ADGRB3: variants seen among roughly 807,000 people sequenced by gnomAD.
The protein encoded by ADGRB3 is adhesion G protein-coupled receptor B3.
ADGRB3 carries 37 observed loss-of-function variants against 193.4 expected under a neutral mutation model. The observed-to-expected ratio is 0.19, with a 90% CI of 0.15 to 0.25. ADGRB3 has a LOEUF of 0.25. Ranked by LOEUF, ADGRB3 falls within the 10% of genes least tolerant of loss-of-function variation. The probability of loss-of-function intolerance (pLI) is 1.00; values close to 1 mark genes in which losing one functional copy is unlikely to be tolerated. For missense variants in ADGRB3, 1,637 were observed against 1,852.9 expected (o/e 0.88, Z 2.14); for synonymous variants, 690 against 644.2 (o/e 1.07, Z -1.08).
intron 3 of ADGRB3, among the ~76,000 whole-genome samples, chr6:68,677,255 TCC>T (rs1769114914): frequency 6.6e-6 from 1 of 152,194 alleles, no homozygotes; most frequent in Non-Finnish European, 1.5e-5. Context: ...GGTTTTCTTT[TCC>T]TAACTAGTAA....
At chr6:68,886,372 A>G (rs1279690133) in intron 3 of ADGRB3, among the ~76,000 whole-genome samples, 1 of 152,104 alleles carries the variant, frequency 6.6e-6, no homozygotes, top group Non-Finnish European at 1.5e-5. Context: ...CTCTTCTAAC[A>G]GGAGCAACTT....
intron 17 of ADGRB3, among the ~76,000 whole-genome samples, chr6:69,109,068 A>G (rs1381639696): frequency 6.6e-6 from 1 of 152,218 alleles, no homozygotes; most frequent in East Asian, 1.9e-4. Context: ...ACTGAAGGGC[A>G]TTCAATAAGA....
chr6:69,011,325 G>T (rs1180296382), intron 11 of ADGRB3, among the ~76,000 whole-genome samples: 1 of 151,990 alleles, frequency 6.6e-6, no homozygotes, highest in Non-Finnish European at 1.5e-5. Context: ...GCCCTGTGCT[G>T]CAACATGGAT....
chr6:68,943,959 C>T lies in ADGRB3; in HGVS notation c.1160C>T (p.Thr387Ile), dbSNP rs771549913. 1 of 1,613,728 alleles carries T rather than the reference C, an allele frequency of 6.2e-7. No individual in the cohort carries two copies. Among genetic ancestry groups the T allele is most frequent in the Non-Finnish European group, 8.5e-7 (1 of 1,179,710 alleles). Residue 387 changes from threonine to isoleucine, a missense_variant, in exon 6 of 32, where the codon ACA (threonine) becomes ATA (isoleucine). Physicochemically the swap from Thr to Ile is moderately conservative, Grantham distance 89 (BLOSUM62 -1). Around this residue, in one of 7 missense-constraint regions of ADGRB3, gnomAD observed 641 missense variants for 673.9 expected, o/e 0.95. Coordinates refer to ENST00000370598, the MANE Select transcript of ADGRB3 (RefSeq NM_001704.3). Reference protein sequence around the residue: ...YGGRPCEGPETHHKPCNIALC... With the variant: ...YGGRPCEGPEIHHKPCNIALC... ...GGAAGGCCGTGTGAAGGACCTGAAA[C>T]ACATCATAAGCCTTGTAATATTGCT...
At chr6:68,782,799 C>T (rs945983939) in intron 3 of ADGRB3, among the ~76,000 whole-genome samples, 56 of 151,894 alleles carry the variant, frequency 3.7e-4, no homozygotes, top group Middle Eastern at 3.4e-3. Context: ...TCATATCCTT[C>T]GCCCACTTTT....
At chr6:68,836,335 A>G (rs1016956179) in intron 3 of ADGRB3, among the ~76,000 whole-genome samples, 5 of 147,104 alleles carry the variant, frequency 3.4e-5, no homozygotes, top group Admixed American at 1.4e-4. Context: ...TTCACTCTTT[A>G]CTTCTTCCCT....
intron 3 of ADGRB3, among the ~76,000 whole-genome samples, chr6:68,833,528 A>C (rs1297644573): frequency 8.2e-6 from 1 of 121,624 alleles, no homozygotes. Context: ...GCAGTTAAAA[A>C]GAAAATCAAT....
At chr6:69,380,974 G>A (rs1467173232) in intron 30 of ADGRB3, among the ~76,000 whole-genome samples, 1 of 151,784 alleles carries the variant, frequency 6.6e-6, no homozygotes, top group Non-Finnish European at 1.5e-5. Context: ...TCATTGCTAT[G>A]AAAAATGAAA....
chr6:69,158,775 A>C (rs1166681159), intron 17 of ADGRB3, among the ~76,000 whole-genome samples: 1 of 151,932 alleles, frequency 6.6e-6, no homozygotes, highest in African/African-American at 2.4e-5. Context: ...TTTCTCATCT[A>C]CTTCAAAGGG....
chr6:68,904,120 A>T (rs76710678), intron 3 of ADGRB3, among the ~76,000 whole-genome samples: 1 of 60,468 alleles, frequency 1.7e-5, no homozygotes, highest in Non-Finnish European at 4.2e-5. Context: ...GAAGGGAGGG[A>T]GGGAGGAAGG....
chr6:68,636,162 G>T (rs948188242), intron 1 of ADGRB3, among the ~76,000 whole-genome samples, 162 bp downstream of exon 1: 1 of 152,080 alleles, frequency 6.6e-6, no homozygotes, highest in Non-Finnish European at 1.5e-5. Flanking sequence ...CTTAAACGCC[G>T]CAGTTGAAAA....
At chr6:68,783,397 G>T (rs1022380158) in intron 3 of ADGRB3, among the ~76,000 whole-genome samples, 1 of 150,042 alleles carries the variant, frequency 6.7e-6, no homozygotes, top group Non-Finnish European at 1.5e-5. Flanking sequence ...TTAATTATAT[G>T]TCTAGGCTAT....
At chr6:69,051,986 G>A (rs1368639613) in intron 15 of ADGRB3, among the ~76,000 whole-genome samples, 2 of 152,198 alleles carry the variant, frequency 1.3e-5, no homozygotes, top group East Asian at 3.9e-4. Context: ...GATCTCCCGG[G>A]TTCACACCAT....
chr6:68,891,518 G>C (rs1348956230), intron 3 of ADGRB3, among the ~76,000 whole-genome samples: 1 of 152,150 alleles, frequency 6.6e-6, no homozygotes, highest in African/African-American at 2.4e-5. Flanking sequence ...AAGTATGTGA[G>C]ACATTATGAT....
chr6:68,880,358 A>T (rs552634601), intron 3 of ADGRB3, among the ~76,000 whole-genome samples: 17 of 152,316 alleles, frequency 1.1e-4, no homozygotes, highest in African/African-American at 4.1e-4. Flanking sequence ...TTCCTATACA[A>T]CTATATGCTA....
chr6:68,820,730 A>G (rs889971236), intron 3 of ADGRB3, among the ~76,000 whole-genome samples: 2 of 151,982 alleles, frequency 1.3e-5, no homozygotes, highest in Non-Finnish European at 2.9e-5. Flanking sequence ...CCCACAAATG[A>G]GTAAGAGTAT....
chr6:69,047,479 A>G lies in ADGRB3; in HGVS notation c.2108-706A>G, dbSNP rs1275944665. ...TTTTCTGATATGTATTATAATATTT[A>G]TTGGTATTAAGGACACAATTCTCTG... On this transcript the variant is annotated intron_variant, in intron 13 of 31. Transcript: ENST00000370598. Among the ~76,000 whole-genome samples, 8 of 151,112 alleles carry G rather than the reference A, an allele frequency of 5.3e-5. No homozygotes were observed. The South Asian group carries it at 6.2e-4, about 12-fold the overall frequency.
At chr6:69,071,566 G>A (rs964115948) in intron 16 of ADGRB3, among the ~76,000 whole-genome samples, 1 of 152,156 alleles carries the variant, frequency 6.6e-6, no homozygotes, top group South Asian at 2.1e-4. Context: ...TGAGTAAATA[G>A]AAACATGTAG....
At chr6:68,755,537 T>A (rs1766283199) in intron 3 of ADGRB3, among the ~76,000 whole-genome samples, 2 of 152,056 alleles carry the variant, frequency 1.3e-5, no homozygotes, top group African/African-American at 4.8e-5. Context: ...AGAATGAAGT[T>A]GACATAGACC....
Sources: allele counts gnomAD v4.1 joint callset (sites outside exome capture counted in the v4.1 genomes callset), GRCh38; gene constraint gnomAD v4.1.1; regional missense constraint gnomAD v4.1.1; transcripts MANE v1.5; gene names NCBI Gene and HGNC (gene_info 2026-07-23, HGNC 2026-07-21).